The following ZNF518A variants were observed in gnomAD, a reference collection of about 807,000 sequenced individuals.
ZNF518A encodes the protein zinc finger protein 518.
ZNF518A carries 47 observed loss-of-function variants against 102.7 expected under a neutral mutation model. The observed-to-expected ratio is 0.46, with a 90% confidence interval of 0.36 to 0.58. The LOEUF is 0.58. Among genes scored for constraint, ZNF518A ranks in the 20% least tolerant of loss-of-function variants. The pLI is 0.00. For missense variants in ZNF518A, 1,793 were observed against 1,699.8 expected (o/e 1.05, Z -0.96); for synonymous variants, 652 against 594.6 (o/e 1.10, Z -1.40).
chr10:96,148,555 G>T (rs1476991133), intron 3 of ZNF518A, among the ~76,000 whole-genome samples: 1 of 50 alleles, frequency 0.02, no homozygotes, highest in African/African-American at 0.062. Flanking sequence ...AGACTGTCCA[G>T]TAATCCTCTG....
At chr10:96,189,722 C>G in intron 1 of ZNF518A, 1 of 721,090 alleles carries the variant, frequency 1.4e-6, no homozygotes, top group Non-Finnish European at 2.5e-6. Context: ...TCATCATCAT[C>G]ATCATCATCA....
At chr10:96,154,548 C>T (rs2082607858) in intron 3 of ZNF518A, among the ~76,000 whole-genome samples, 1 of 151,596 alleles carries the variant, frequency 6.6e-6, no homozygotes. Context: ...GTGTCTAGTT[C>T]ATTCTCCTAG....
At chr10:96,131,279 C>T (rs1402904593) in intron 1 of ZNF518A, among the ~76,000 whole-genome samples, 2 of 152,180 alleles carry the variant, frequency 1.3e-5, no homozygotes, top group African/African-American at 4.8e-5. Flanking sequence ...GCTTTTTCTG[C>T]AGCAAGGGGT....
At chr10:96,194,833 C>T (rs934534855) in intron 1 of ZNF518A, among the ~76,000 whole-genome samples, 4 of 133,980 alleles carry the variant, frequency 3.0e-5, no homozygotes, top group East Asian at 2.3e-4. Flanking sequence ...TGCAGTGGCG[C>T]GATCTCGACT....
chr10:96,159,560 G>C lies in ZNF518A; in HGVS notation c.3238G>C (p.Asp1080His), dbSNP rs781908341. Reference protein sequence around the residue: ...EQQSTKLNISDSVKQQNEIFP... With the variant: ...EQQSTKLNISHSVKQQNEIFP... ...ACAGAGCACTAAGTTGAATATCTCC[G>C]ATTCAGTAAAACAGCAGAATGAGAT... is the stretch of plus-strand genomic sequence containing the variant. The change falls in exon 6 of 6, where the codon GAT becomes CAT. Residue 1080 changes from aspartate to histidine, a missense_variant. Asp to His is a moderately conservative substitution (Grantham distance 81, BLOSUM62 -1). Around this residue, in one of 3 missense-constraint regions of ZNF518A, gnomAD observed 1,741 missense variants for 1,622.6 expected, o/e 1.07. Transcript: ENST00000316045. 2 of 1,613,724 alleles carry C rather than the reference G, an allele frequency of 1.2e-6. No individual in the cohort carries two copies. The highest frequency in any genetic ancestry group is 1.7e-6 in the Non-Finnish European group (2 of 1,179,800).
At chr10:96,147,434 C>G (rs1301623927) in intron 3 of ZNF518A, among the ~76,000 whole-genome samples, 8 of 152,134 alleles carry the variant, frequency 5.3e-5, no homozygotes, top group African/African-American at 1.4e-4. Context: ...TTTGATCTCC[C>G]AATGCATATT....
chr10:96,168,171 C>T (rs908357804), downstream of ZNF518A, among the ~76,000 whole-genome samples: 1 of 152,206 alleles, frequency 6.6e-6, no homozygotes. Context: ...GCCCCATGCA[C>T]AAGGGCAATG....
chr10:96,199,679 A>G (rs1424647514), intron 1 of ZNF518A: 12 of 376,088 alleles, frequency 3.2e-5, no homozygotes, highest in Non-Finnish European at 4.8e-5. Flanking sequence ...CATAAGGACG[A>G]CAACTGTGTC....
intron 1 of ZNF518A, among the ~76,000 whole-genome samples, chr10:96,188,747 T>C (rs1242528520): frequency 1.3e-5 from 2 of 152,186 alleles, no homozygotes; most frequent in Non-Finnish European, 2.9e-5. Flanking sequence ...CAAACCCCTA[T>C]ATACCTGAAT....
At chr10:96,195,255 G>A (rs1554894430) in intron 1 of ZNF518A, among the ~76,000 whole-genome samples, 1 of 152,042 alleles carries the variant, frequency 6.6e-6, no homozygotes, top group African/African-American at 2.4e-5. Context: ...AGTATGGGAG[G>A]TTCTCAAAAA....
intron 1 of ZNF518A, among the ~76,000 whole-genome samples, chr10:96,188,248 A>G (rs1426762802): frequency 6.6e-6 from 1 of 152,226 alleles, no homozygotes; most frequent in Non-Finnish European, 1.5e-5. Context: ...CTGCAAGATG[A>G]GGGAAAAGAC....
Position 96,160,385 on chromosome 10 carries a change from G to A in ZNF518A, c.4063G>A (p.Ala1355Thr), listed in dbSNP as rs781931652. 3.2e-5 allele frequency: 52 copies of A among 1,613,332 alleles called. 1 individual carries two copies. In the South Asian group the frequency reaches 4.6e-4, roughly 14 times the overall value. The change falls in exon 6 of 6, where the codon GCA (alanine) becomes ACA (threonine). Residue 1355 changes from alanine to threonine, a missense_variant. Coordinates refer to ENST00000316045, the MANE Select transcript of ZNF518A (RefSeq NM_001330736.2). ...QPVVVLNHPD[A>T]DAPEVVSVMK... ...AGTTGTAGTTTTGAATCATCCTGAC[G>A]CAGATGCACCAGAAGTAGTAAGTGT... is the stretch of plus-strand genomic sequence containing the variant.
At chr10:96,147,890 C>G (rs1368634952) in intron 3 of ZNF518A, among the ~76,000 whole-genome samples, 8 of 152,132 alleles carry the variant, frequency 5.3e-5, no homozygotes, top group African/African-American at 1.9e-4. Flanking sequence ...CCCCTTTGTA[C>G]TCTCTTCCTG....
chr10:96,137,190 C>G (rs2081640816), intron 3 of ZNF518A, among the ~76,000 whole-genome samples: 1 of 152,238 alleles, frequency 6.6e-6, no homozygotes, highest in Non-Finnish European at 1.5e-5. Context: ...ACCTCTTCAG[C>G]TCGTTCACTA....
chr10:96,202,637 G>C (rs1297267168), intron 1 of ZNF518A, among the ~76,000 whole-genome samples: 1 of 152,118 alleles, frequency 6.6e-6, no homozygotes, highest in East Asian at 1.9e-4. Flanking sequence ...GGCTTGGCAG[G>C]CCCAACAAAG....
At chr10:96,187,224 C>A (rs2083276691) in intron 1 of ZNF518A, among the ~76,000 whole-genome samples, 1 of 152,144 alleles carries the variant, frequency 6.6e-6, no homozygotes, top group African/African-American at 2.4e-5. Flanking sequence ...CCACAGATCA[C>A]TTTTTATGTC....
intron 2 of ZNF518A, chr10:96,132,990 A>G (rs942612717): frequency 3.3e-5 from 5 of 152,182 alleles, no homozygotes; most frequent in African/African-American, 1.2e-4. Context: ...GTAGTTTTAC[A>G]TATACATGAG....
At chr10:96,169,116 ACTC>A (rs1331511907) in intron 1 of ZNF518A, among the ~76,000 whole-genome samples, 4 of 151,834 alleles carry the variant, frequency 2.6e-5, no homozygotes, top group Admixed American at 2.6e-4. Context: ...GCAGCATTGA[ACTC>A]CTAGACTCAA....
At chr10:96,182,683 A>G (rs781885551) in intron 1 of ZNF518A, among the ~76,000 whole-genome samples, 7 of 152,154 alleles carry the variant, frequency 4.6e-5, no homozygotes, top group Admixed American at 6.5e-5. Context: ...AGCCAACTTG[A>G]TCATGGTGGA....
Sources: allele counts gnomAD v4.1 joint callset (sites outside exome capture counted in the v4.1 genomes callset), GRCh38; gene constraint gnomAD v4.1.1; regional missense constraint gnomAD v4.1.1; transcripts MANE v1.5; gene names NCBI Gene and HGNC (gene_info 2026-07-23, HGNC 2026-07-21).